Variants in PCDHAC2 observed in about 807,000 individuals in gnomAD.
The protein encoded by PCDHAC2 is protocadherin alpha-C2.
In PCDHAC2, 24 loss-of-function variants were observed where a neutral mutation model predicts 63.3. That is an observed-to-expected ratio of 0.38 (90% CI 0.27 to 0.53). The LOEUF (loss-of-function observed/expected upper bound fraction) is 0.53. Among genes scored for constraint, PCDHAC2 ranks in the 20% least tolerant of loss-of-function variants. PCDHAC2 has a pLI of 0.81. For missense variants in PCDHAC2, 1,181 were observed against 1,275.2 expected, an observed-to-expected ratio of 0.93 and a Z score of 1.12; for synonymous variants, 569 against 529.4, an observed-to-expected ratio of 1.07 and a Z score of -1.03.
chr5:141,009,011 T>C (rs1461112133), intron 3 of PCDHAC2, among the ~76,000 whole-genome samples: 1 of 152,256 alleles, frequency 6.6e-6, no homozygotes, highest in East Asian at 1.9e-4. Context: ...ATATTTTGCC[T>C]TTAGGCTCTG....
chr5:140,966,501 C>A lies in PCDHAC2; in HGVS notation c.-266C>A, dbSNP rs993120522. ...CTTTTCCCTCCCCCTGGAGCTGTAG[C>A]GGCAGCAGCAGCAGGAAGCCGAGCC... On this transcript the variant is annotated 5_prime_UTR_variant, in exon 1 of 4. Transcript: ENST00000289269. 8 of 436,558 alleles carry A rather than the reference C, an allele frequency of 1.8e-5. No homozygotes were observed. The highest frequency in any genetic ancestry group is 8.7e-5 in the Admixed American group (2 of 22,950). 27.0% of individuals were successfully genotyped at this position (436,558 alleles called of 1,614,324 possible).
chr5:140,970,967 G>C (rs2096448125), intron 1 of PCDHAC2, among the ~76,000 whole-genome samples: 2 of 152,206 alleles, frequency 1.3e-5, no homozygotes, highest in Non-Finnish European at 2.9e-5. Context: ...GCAGATTGTA[G>C]ATTAAGAAAA....
At position 140,980,684 on chromosome 5, in the gene PCDHAC2, GA is replaced by G. The variant is rs782726576; in HGVS notation, c.2624+1687del. 1.5e-4 allele frequency among the ~76,000 whole-genome samples: 22 copies of G among 145,136 alleles called. No individual in the cohort carries two copies. In the East Asian group the frequency reaches 2.6e-3, roughly 17 times the overall value. ...AACTTCCTTATCCCATTTTCAAATT[GA>G]AAAAAAAAAGCCAAATGTGCTCCTA... On this transcript the variant is annotated intron_variant, in intron 2 of 3. Transcript: ENST00000289269.
At position 140,997,506 on chromosome 5, in the gene PCDHAC2, T is replaced by A. The variant is rs147089901; in HGVS notation, c.2714-12121T>A. On this transcript the variant is annotated intron_variant, in intron 3 of 3. Coordinates refer to ENST00000289269, the MANE Select transcript of PCDHAC2 (RefSeq NM_018899.6). ...AAGTATTTGTGTATCTCAACATACC[T>A]AAACGCAGAAAAAGTACAATAAAAA... Among the ~76,000 whole-genome samples the A allele has an allele frequency of 4.4e-3, 665 of 152,304 alleles. 5 individuals are homozygous for A. Among genetic ancestry groups the A allele is most frequent in the African/African-American group, 0.015 (619 of 41,574 alleles).
intron 2 of PCDHAC2, among the ~76,000 whole-genome samples, chr5:140,980,556 G>A (rs1355966555): frequency 6.6e-6 from 1 of 152,126 alleles, no homozygotes; most frequent in Non-Finnish European, 1.5e-5. Flanking sequence ...CTTGAACCCG[G>A]GAGGCGGAAG....
chr5:140,994,017 T>C (rs2153920554), intron 3 of PCDHAC2, among the ~76,000 whole-genome samples: 1 of 152,336 alleles, frequency 6.6e-6, no homozygotes, highest in South Asian at 2.1e-4. Flanking sequence ...TTCTAGGTGA[T>C]GCAGATATAA....
At position 140,993,462 on chromosome 5, in the gene PCDHAC2, TCACACACACACACACACACA is replaced by T. The variant is rs3836747; in HGVS notation, c.2713+10927_2713+10946del. ...CATTCCTGTTCTCCTTCTTTCTTTC[TCACACACACACACACACACA>T]CACACACACACACACACACACACAC... On this transcript the variant is annotated intron_variant, in intron 3 of 3. Coordinates refer to ENST00000289269, the MANE Select transcript of PCDHAC2 (RefSeq NM_018899.6). Among the ~76,000 whole-genome samples the T allele has an allele frequency of 7.1e-5, 10 of 141,044 alleles. No individual in the cohort carries two copies. In the South Asian group the frequency reaches 9.5e-4, roughly 13 times the overall value. The allele number at this position is 141,044 out of a possible 152,430, so 92.5% of individuals were successfully genotyped here.
intron 3 of PCDHAC2, among the ~76,000 whole-genome samples, chr5:140,984,162 C>A (rs2097089666): frequency 6.6e-6 from 1 of 152,150 alleles, no homozygotes; most frequent in Non-Finnish European, 1.5e-5. Context: ...GAGAACTTCC[C>A]AAAGAAGCCA....
chr5:140,998,240 A>G (rs2097802500), intron 3 of PCDHAC2, among the ~76,000 whole-genome samples: 1 of 152,188 alleles, frequency 6.6e-6, no homozygotes, highest in Non-Finnish European at 1.5e-5. Context: ...GTGCATTATT[A>G]TACTCATTTT....
intron 3 of PCDHAC2, among the ~76,000 whole-genome samples, chr5:141,008,980 A>C (rs533099581): frequency 6.6e-6 from 1 of 152,374 alleles, no homozygotes; most frequent in African/African-American, 2.4e-5. Context: ...GCCAAAGTTT[A>C]ATCTAGACAC....
chr5:140,974,553 C>G (rs1554236197), intron 1 of PCDHAC2, among the ~76,000 whole-genome samples: 1 of 151,870 alleles, frequency 6.6e-6, no homozygotes, highest in African/African-American at 2.4e-5. Context: ...CTCTTGTTGC[C>G]CAGGCTGGAG....
rs1327580375 is a variant in PCDHAC2, at chr5:140,968,807, G to C, written c.2041G>C (p.Val681Leu). ...SASVAITVAV[V>L]DRVSKILPDT... ...CTCTGTGGCCATTACAGTAGCTGTGGTGGATAGGGTTTCCAAAATCCTCCC... is the reference window on the plus strand; with the variant it reads ...CTCTGTGGCCATTACAGTAGCTGTGCTGGATAGGGTTTCCAAAATCCTCCC... Residue 681 changes from valine to leucine, a missense_variant, in exon 1 of 4, where the codon GTG (valine) becomes CTG (leucine). Coordinates refer to ENST00000289269, the MANE Select transcript of PCDHAC2 (RefSeq NM_018899.6). The C allele has an allele frequency of 6.2e-7, 1 of 1,614,178 alleles. No homozygotes were observed. The highest frequency in any genetic ancestry group is 8.5e-7 in the Non-Finnish European group (1 of 1,180,042).
At position 141,009,879 on chromosome 5, in the gene PCDHAC2, A is replaced by G; in HGVS notation, c.2966A>G (p.Asn989Ser). Reference protein sequence around the residue: ...TKKKKKKKKGNKTQEKKEKGN... With the variant: ...TKKKKKKKKGSKTQEKKEKGN... ...AAAAAGAAGAAAAAGAAGAAGGGTA[A>G]CAAGACCCAGGAGAAAAAAGAGAAA... Residue 989 changes from asparagine (N) to serine (S), a missense_variant, in exon 4 of 4, where the codon AAC (asparagine) becomes AGC (serine). Asn to Ser is a conservative substitution (Grantham distance 46). This residue lies in a region of PCDHAC2 where 968 missense variants were observed against 1,073.5 expected (regional missense o/e 0.90). Coordinates refer to ENST00000289269, the MANE Select transcript of PCDHAC2 (RefSeq NM_018899.6). 12 of 1,613,884 alleles carry G rather than the reference A, an allele frequency of 7.4e-6. No individual in the cohort carries two copies. Among genetic ancestry groups the G allele is most frequent in the Non-Finnish European group, 1.0e-5 (12 of 1,179,984 alleles).
intron 3 of PCDHAC2, among the ~76,000 whole-genome samples, chr5:141,005,559 G>A (rs980622255): frequency 6.6e-6 from 1 of 151,190 alleles, no homozygotes; most frequent in Admixed American, 6.6e-5. Flanking sequence ...AAAATTAGCC[G>A]GGCATGGTGG....
At chr5:141,006,058 G>T (rs1002161598) in intron 3 of PCDHAC2, among the ~76,000 whole-genome samples, 2 of 149,786 alleles carry the variant, frequency 1.3e-5, no homozygotes, top group Non-Finnish European at 3.0e-5. Flanking sequence ...GAGTGGAGAA[G>T]AAATAAAAAT....
rs1554262759 is a variant in PCDHAC2 at position 141,010,215 on chromosome 5, G to A, written c.*278G>A. ...CCTTTCTCCTCCGCCGCAAAGGAGA[G>A]GCTTCCCAGCCCCGCCAGTGAGAGG... On this transcript the variant is annotated 3_prime_UTR_variant, in exon 4 of 4. Transcript: ENST00000289269. The A allele has an allele frequency of 6.4e-7, 1 of 1,551,774 alleles. No homozygotes were observed. Among genetic ancestry groups the A allele is most frequent in the East Asian group, 2.4e-5 (1 of 40,918 alleles).
Position 140,968,029 on chromosome 5 carries a change from GGT to G in PCDHAC2, c.1265_1266del (p.Val422GlyfsTer36). The part of the protein sequence containing the change: ...LNGFGNSYTL[V>X]VSGPLDRERV... Reference sequence around the variant, plus strand: ...ATGGCTTTGGAAACTCCTATACACTGGTGGTGAGCGGCCCACTGGACCGAGAG... The same window carrying G: ...ATGGCTTTGGAAACTCCTATACACTGGGTGAGCGGCCCACTGGACCGAGAG... On this transcript the variant is annotated frameshift_variant, in exon 1 of 4. Transcript: ENST00000289269. LOFTEE classifies it high-confidence loss of function. 1 of 1,614,170 alleles carries G rather than the reference GGT, an allele frequency of 6.2e-7. No homozygotes were observed. The highest frequency in any genetic ancestry group is 1.3e-5 in the African/African-American group (1 of 75,036).
intron 2 of PCDHAC2, 118 bp downstream of exon 2, chr5:140,979,125 C>A (rs782380399): frequency 8.7e-5 from 128 of 1,479,726 alleles, no homozygotes; most frequent in Non-Finnish European, 1.0e-4. Flanking sequence ...GGTACTTTGC[C>A]AGGAAAATGC....
At chr5:141,006,978 T>C (rs2098297277) in intron 3 of PCDHAC2, among the ~76,000 whole-genome samples, 1 of 152,090 alleles carries the variant, frequency 6.6e-6, no homozygotes, top group African/African-American at 2.4e-5. Context: ...CACAGAGAGA[T>C]GTGGGCTTAA....
Sources: allele counts gnomAD v4.1 joint callset (sites outside exome capture counted in the v4.1 genomes callset), GRCh38; gene constraint gnomAD v4.1.1; regional missense constraint gnomAD v4.1.1; transcripts MANE v1.5; gene names NCBI Gene and HGNC (gene_info 2026-07-23, HGNC 2026-07-21).